SAP30BP: variants seen among roughly 807,000 people sequenced by gnomAD.
SAP30BP encodes SAP30-binding protein.
SAP30BP carries 31 observed loss-of-function variants against 46.3 expected under a neutral mutation model. The ratio of observed to expected loss-of-function variants is 0.67; its 90% CI spans 0.50 to 0.90. The LOEUF (loss-of-function observed/expected upper bound fraction) is 0.90. Ranked by LOEUF, SAP30BP falls within the 40% of genes least tolerant of loss-of-function variation. The pLI, the probability that SAP30BP is intolerant of heterozygous loss-of-function variation, is 0.00. For synonymous variants in SAP30BP, 169 were observed against 144.2 expected (o/e 1.17, Z -1.23); for missense variants, 312 against 391.0 (o/e 0.80, Z 1.70).
intron 8 of SAP30BP, among the ~76,000 whole-genome samples, chr17:75,704,140 A>T (rs181649349): frequency 1.3e-5 from 2 of 152,344 alleles, no homozygotes; most frequent in East Asian, 3.9e-4. Flanking sequence ...AAGCAGGGTC[A>T]TCTAATCTGG....
Position 75,704,979 on chromosome 17 carries a change from T to C in SAP30BP, c.660+165T>C, listed in dbSNP as rs891689162. The C allele has an allele frequency of 9.5e-6, 6 of 633,290 alleles. No individual in the cohort carries two copies. In the African/African-American group the frequency reaches 1.1e-4, roughly 12 times the overall value. The allele number at this position is 633,290 out of a possible 1,614,324, so 39.2% of individuals were successfully genotyped here. On this transcript the variant is annotated intron_variant, in intron 9 of 10. Transcript: ENST00000584667. ...GGGCCTGTGTGCTGAGCAGACCTGC[T>C]GGGTTCACGGCGCTCGTCTGCTGCT...
At chr17:75,692,439 TTGA>T in intron 3 of SAP30BP, 1 of 985,458 alleles carries the variant, frequency 1.0e-6, no homozygotes. Flanking sequence ...CTCTGCTGTT[TTGA>T]TGATGAGCAC....
chr17:75,700,156 CTTTT>C, intron 5 of SAP30BP: 1 of 228,266 alleles, frequency 4.4e-6, no homozygotes. Context: ...AGAACGTAAC[CTTTT>C]CTGTGCAGCC....
At chr17:75,680,311 G>A (rs9907115) in intron 3 of SAP30BP, among the ~76,000 whole-genome samples, 71,234 of 152,034 alleles carry the variant, frequency 0.47, 18,910 homozygotes, top group Non-Finnish European at 0.6. Flanking sequence ...TTAAAAAGGC[G>A]TGTATAACCC....
At chr17:75,693,252 C>T (rs564500503) in intron 3 of SAP30BP, 188 bp from the exon 4 acceptor site, 5 of 578,048 alleles carry the variant, frequency 8.6e-6, no homozygotes, top group African/African-American at 1.9e-5. Flanking sequence ...CCGGCTGCTG[C>T]GATGCGGGAA....
At chr17:75,671,486 T>C (rs2059906947) in intron 2 of SAP30BP, among the ~76,000 whole-genome samples, 1 of 152,216 alleles carries the variant, frequency 6.6e-6, no homozygotes, top group Non-Finnish European at 1.5e-5. Flanking sequence ...GGCCTGATCT[T>C]ACTCTTTCCT....
intron 2 of SAP30BP, among the ~76,000 whole-genome samples, chr17:75,671,456 C>T (rs1428847096): frequency 6.6e-6 from 1 of 152,196 alleles, no homozygotes; most frequent in Non-Finnish European, 1.5e-5. Context: ...AGTGGAAACA[C>T]GATGCCTGTT....
chr17:75,705,432 G>A (rs921842668), intron 9 of SAP30BP: 17 of 174,306 alleles, frequency 9.8e-5, no homozygotes, highest in Non-Finnish European at 1.6e-4. Context: ...CCTCCAGACC[G>A]CTTCCCTCAC....
chr17:75,670,846 G>A (rs552493465), intron 2 of SAP30BP, among the ~76,000 whole-genome samples: 1 of 152,328 alleles, frequency 6.6e-6, no homozygotes, highest in African/African-American at 2.4e-5. Flanking sequence ...ATGGAGTGCT[G>A]TGTAATGTTT....
chr17:75,669,310 C>T (rs1297632522), intron 2 of SAP30BP, among the ~76,000 whole-genome samples: 5 of 152,100 alleles, frequency 3.3e-5, no homozygotes, highest in African/African-American at 4.8e-5. Flanking sequence ...GTGGTGCGAT[C>T]TCTGCTCACT....
chr17:75,671,033 C>T (rs765640501), intron 2 of SAP30BP, among the ~76,000 whole-genome samples: 1 of 152,210 alleles, frequency 6.6e-6, no homozygotes, highest in Non-Finnish European at 1.5e-5. Context: ...ACCTTCATAG[C>T]ATCAGCGTTA....
At chr17:75,695,510 T>G (rs1049471610) in intron 4 of SAP30BP, among the ~76,000 whole-genome samples, 27 of 152,222 alleles carry the variant, frequency 1.8e-4, no homozygotes, top group African/African-American at 5.5e-4. Flanking sequence ...GTTTACTGAT[T>G]CACCCATGAG....
At position 75,674,707 on chromosome 17, in the gene SAP30BP, T is replaced by TG. The variant is rs1226202300; in HGVS notation, c.264+2844_264+2845insG. On this transcript the variant is annotated intron_variant, in intron 3 of 10. Coordinates refer to ENST00000584667, the MANE Select transcript of SAP30BP (RefSeq NM_013260.8). ...TTTTGTTTGTTTTTTGTTTTTTTTT[T>TG]TTTTTTTTTTTTTTTTTTGAGGTGG... 3.3e-5 allele frequency among the ~76,000 whole-genome samples: 4 copies of TG among 121,180 alleles called. No homozygotes were observed. The South Asian group carries it at 1.2e-3, about 36-fold the overall frequency. 79.5% of individuals were successfully genotyped at this position (121,180 alleles called of 152,430 possible).
At chr17:75,698,874 A>T (rs1393901885) in intron 4 of SAP30BP, among the ~76,000 whole-genome samples, 3 of 152,224 alleles carry the variant, frequency 2.0e-5, no homozygotes, top group African/African-American at 7.2e-5. Flanking sequence ...ATTTACCAGC[A>T]CACTGCTGAC....
chr17:75,699,440 C>T (rs1306095051), intron 4 of SAP30BP, among the ~76,000 whole-genome samples: 1 of 151,976 alleles, frequency 6.6e-6, no homozygotes, highest in East Asian at 1.9e-4. Context: ...GATCTGCCTA[C>T]CTTGGCTTCC....
At chr17:75,703,538 A>G (rs934295211) in intron 7 of SAP30BP, 167 bp downstream of exon 7, 1 of 664,334 alleles carries the variant, frequency 1.5e-6, no homozygotes, top group Non-Finnish European at 2.6e-6. Context: ...GAAATAGTCC[A>G]ATAAAGAGAT....
intron 3 of SAP30BP, among the ~76,000 whole-genome samples, chr17:75,681,918 A>G (rs755650453): frequency 1.4e-4 from 21 of 152,162 alleles, no homozygotes; most frequent in Non-Finnish European, 2.9e-4. Flanking sequence ...CTTTTGCAGC[A>G]TTGCAAACAG....
chr17:75,705,873 T>C, intron 9 of SAP30BP, 135 bp from the exon 10 acceptor site: 1 of 1,301,022 alleles, frequency 7.7e-7, no homozygotes, highest in Non-Finnish European at 1.1e-6. Context: ...CTACCCCAGA[T>C]GGGCAGAGCA....
At position 75,706,564 on chromosome 17, in the gene SAP30BP, G is replaced by A; in HGVS notation, c.*43G>A. The A allele has an allele frequency of 6.3e-7, 1 of 1,576,008 alleles. No homozygotes were observed. The highest frequency in any genetic ancestry group is 8.7e-7 in the Non-Finnish European group (1 of 1,148,718). On this transcript the variant is annotated 3_prime_UTR_variant, in exon 11 of 11. Transcript: ENST00000584667. The surrounding 1 kb of genome is among the most constrained non-coding windows in gnomAD (Gnocchi z 4.6). ...GGACTTGAAAGGACCGTGCAGCCCA[G>A]TGACCACTGCCCAGTGGGAGGCGCC...
Sources: gnomAD v4.1 joint callset for allele counts (sites outside exome capture counted in the v4.1 genomes callset) on GRCh38, gnomAD v4.1.1 for gene constraint, Gnocchi (gnomAD v3.1) non-coding constraint, MANE v1.5 for transcripts, NCBI Gene and HGNC (gene_info 2026-07-23, HGNC 2026-07-21) for gene names.